The following MTMR8 variants were observed in gnomAD, a reference collection of about 807,000 sequenced individuals.
MTMR8 encodes phosphatidylinositol-3,5-bisphosphate 3-phosphatase MTMR8.
A neutral mutation model predicts 39.3 loss-of-function variants in MTMR8; 65 were observed. The observed-to-expected ratio is 1.65, with a 90% confidence interval of 1.35 to 2.03. The LOEUF is 2.03. Among genes scored for constraint, MTMR8 ranks in the 30% most tolerant of loss-of-function variants. The probability of loss-of-function intolerance (pLI) is 0.00; values close to 1 mark genes in which losing one functional copy is unlikely to be tolerated. For missense variants in MTMR8, 777 were observed against 538.9 expected (o/e 1.44, Z -4.37); for synonymous variants, 245 against 185.2 (o/e 1.32, Z -2.62).
intron 11 of MTMR8, among the ~76,000 whole-genome samples, chrX:64,329,184 G>C (rs1350260733): frequency 3.6e-5 from 4 of 111,704 alleles, no homozygotes; most frequent in Non-Finnish European, 7.5e-5. Context: ...ATAGCTGTGT[G>C]ATCTTAAGAA....
intron 12 of MTMR8, among the ~76,000 whole-genome samples, chrX:64,281,567 C>G (rs912026708): frequency 1.8e-5 from 2 of 112,023 alleles, no homozygotes; most frequent in African/African-American, 6.5e-5. Context: ...GGATTAAATA[C>G]TTAAATACAA....
In MTMR8 at chrX:64,345,060, G is replaced by A; in HGVS notation, c.850C>T (p.Gln284Ter). The change falls in exon 7 of 14, where the codon CAG becomes TAG. Residue 284 changes from glutamine (Q) to a stop codon, truncating the protein, a stop_gained. Coordinates refer to ENST00000374852, the MANE Select transcript of MTMR8 (RefSeq NM_017677.4). LOFTEE classifies it high-confidence loss of function. Reference sequence around the variant, plus strand: ...ATCCCTGTACCTTCCAAGAGTTTCTGCAGACTGCTCCGCATTACATGGATG... The same window carrying A: ...ATCCCTGTACCTTCCAAGAGTTTCTACAGACTGCTCCGCATTACATGGATG... ...ENIHVMRSSLQKLLEVCELKT... is the reference protein window; with the variant it reads ...ENIHVMRSSL 1 of 1,210,734 alleles carries A rather than the reference G, an allele frequency of 8.3e-7. No homozygotes were observed. The highest frequency in any genetic ancestry group is 3.0e-5 in the East Asian group (1 of 33,804).
intron 1 of MTMR8, among the ~76,000 whole-genome samples, chrX:64,390,681 T>A (rs975772297): frequency 9.0e-6 from 1 of 111,051 alleles, no homozygotes; most frequent in African/African-American, 3.3e-5. Context: ...AAACAGGATG[T>A]CACTCTGTCG....
intron 12 of MTMR8, among the ~76,000 whole-genome samples, chrX:64,295,591 T>C (rs867311014): frequency 1.8e-5 from 2 of 111,642 alleles, no homozygotes; most frequent in South Asian, 3.7e-4. Context: ...AAAGAATATA[T>C]AGAGAATTCC....
In MTMR8 at chrX:64,395,429, G is replaced by T. The variant is rs905598160; in HGVS notation, c.-66C>A. 7.1e-6 allele frequency: 8 copies of T among 1,120,585 alleles called. No homozygotes were observed. The African/African-American group carries it at 1.4e-4, about 20-fold the overall frequency. 92.3% of individuals were successfully genotyped at this position (1,120,585 alleles called of 1,213,427 possible). On this transcript the variant is annotated 5_prime_UTR_variant, in exon 1 of 14. Transcript: ENST00000374852. The stretch of plus-strand genomic sequence containing the variant: ...AGATGCCGCCGCCACCGGTCTAGCC[G>T]CCTCCTGCCTCAACCCGGGTTTCTA...
chrX:64,268,896 C>A lies in MTMR8; in HGVS notation c.1756G>T (p.Gly586Cys). 8.3e-7 allele frequency: 1 copy of A among 1,211,659 alleles called. No individual in the cohort carries two copies. The highest frequency in any genetic ancestry group is 1.1e-6 in the Non-Finnish European group (1 of 895,532). ...AGGCCTCCTTCCCTGGATAGGGTGC[C>A]ATTCTCCATCAGGGTATTCAGGTCT... ...NGDLNTLMEN[G>C]TLSREGGLRA... is the part of the protein sequence containing the mutation. Residue 586 changes from glycine (G) to cysteine (C), a missense_variant, in exon 14 of 14, where the codon GGC (glycine) becomes TGC (cysteine). Transcript: ENST00000374852.
rs770989617 is a variant in MTMR8, at chrX:64,268,680, T to C, written c.1972A>G (p.Met658Val). The C allele has an allele frequency of 5.0e-6, 6 of 1,211,606 alleles. No homozygotes were observed. The South Asian group carries it at 7.0e-5, about 14-fold the overall frequency. The change falls in exon 14 of 14, where the codon ATG (methionine) becomes GTG (valine). Residue 658 changes from methionine to valine, a missense_variant. By Grantham distance (21) the Met-to-Val change is conservative. Coordinates refer to ENST00000374852, the MANE Select transcript of MTMR8 (RefSeq NM_017677.4). ...FSKDLGICGA[M>V]DISEATGISG... ...ATGCCAGTGGCCTCAGAGATGTCCA[T>C]GGCCCCACAGATTCCTAAGTCTTTG...
At chrX:64,295,177 G>T (rs1921531628) in intron 12 of MTMR8, among the ~76,000 whole-genome samples, 1 of 109,900 alleles carries the variant, frequency 9.1e-6, no homozygotes, top group Non-Finnish European at 1.9e-5. Context: ...TAAACTAAAG[G>T]AAGCTATTAC....
intron 12 of MTMR8, among the ~76,000 whole-genome samples, chrX:64,317,561 T>G (rs1922505496): frequency 8.9e-6 from 1 of 112,150 alleles, no homozygotes; most frequent in South Asian, 3.7e-4. Flanking sequence ...ATCTTGAATT[T>G]CTTTGCTGAG....
Position 64,296,887 on chromosome X carries a change from A to C in MTMR8, c.1482-25814T>G, listed in dbSNP as rs1431324866. Among the ~76,000 whole-genome samples the C allele has an allele frequency of 6.8e-5, 7 of 103,316 alleles. No individual in the cohort carries two copies. The Admixed American group carries it at 7.6e-4, about 11-fold the overall frequency. 89.7% of individuals were successfully genotyped at this position (103,316 alleles called of 115,157 possible). Reference sequence around the variant, plus strand: ...AGAATGATGATTTCCAATTTCATCCATGTCCCTACAAAGGACATGAACTCA... The same window carrying C: ...AGAATGATGATTTCCAATTTCATCCCTGTCCCTACAAAGGACATGAACTCA... On this transcript the variant is annotated intron_variant, in intron 12 of 13. Transcript: ENST00000374852.
At chrX:64,285,716 T>C (rs915582887) in intron 12 of MTMR8, among the ~76,000 whole-genome samples, 2 of 111,923 alleles carry the variant, frequency 1.8e-5, no homozygotes, top group African/African-American at 6.5e-5. Context: ...AACCTGCTCC[T>C]GAATGACTAC....
At chrX:64,360,413 T>G in intron 1 of MTMR8, 2 of 280,174 alleles carry the variant, frequency 7.1e-6, no homozygotes, top group South Asian at 3.3e-5. Flanking sequence ...AAAAATCAAA[T>G]GAAGATACGG....
At chrX:64,367,268 C>A (rs1471442722) in intron 1 of MTMR8, among the ~76,000 whole-genome samples, 2 of 111,964 alleles carry the variant, frequency 1.8e-5, no homozygotes, top group South Asian at 3.7e-4. Context: ...ATGAGGCCAG[C>A]ATCATCCTGA....
intron 12 of MTMR8, among the ~76,000 whole-genome samples, chrX:64,295,009 C>T (rs1418745401): frequency 2.7e-5 from 3 of 110,939 alleles, no homozygotes; most frequent in African/African-American, 6.6e-5. Flanking sequence ...GTAAGACAAG[C>T]TCCTAGTGCT....
At chrX:64,271,332 A>G (rs959548762) in intron 12 of MTMR8, among the ~76,000 whole-genome samples, 1 of 112,051 alleles carries the variant, frequency 8.9e-6, no homozygotes, top group Non-Finnish European at 1.9e-5. Context: ...TTATGATTTT[A>G]CTTTGAGATA....
rs372800391 is a variant in MTMR8, at chrX:64,271,102, T to C, written c.1482-29A>G. The C allele has an allele frequency of 3.4e-6, 4 of 1,164,004 alleles. No homozygotes were observed. The African/African-American group carries it at 5.4e-5, about 16-fold the overall frequency. ...AAATAGACAAAAATGGGGGGAAAAG[T>C]GGGTTAGTTTAGCTGGAGTAATTGA... is the stretch of plus-strand genomic sequence containing the variant. On this transcript the variant is annotated intron_variant, in intron 12 of 13. Transcript: ENST00000374852.
At chrX:64,288,325 C>G (rs1921273385) in intron 12 of MTMR8, among the ~76,000 whole-genome samples, 1 of 111,327 alleles carries the variant, frequency 9.0e-6, no homozygotes, top group African/African-American at 3.3e-5. Flanking sequence ...GAGATACCAT[C>G]TCACACCAGT....
intron 12 of MTMR8, among the ~76,000 whole-genome samples, chrX:64,283,638 C>T (rs762120794): frequency 4.5e-4 from 51 of 112,233 alleles, no homozygotes; most frequent in Non-Finnish European, 6.4e-4. Flanking sequence ...TCCAGAGGAA[C>T]GATCATACAG....
At chrX:64,279,656 C>G (rs1480694506) in intron 12 of MTMR8, among the ~76,000 whole-genome samples, 3 of 111,643 alleles carry the variant, frequency 2.7e-5, no homozygotes, top group East Asian at 5.6e-4. Flanking sequence ...TATGGAATTG[C>G]AAGGGACCCT....
Sources: gnomAD v4.1 joint callset for allele counts (sites outside exome capture counted in the v4.1 genomes callset) on GRCh38, gnomAD v4.1.1 for gene constraint, MANE v1.5 for transcripts, NCBI Gene and HGNC (gene_info 2026-07-23, HGNC 2026-07-21) for gene names.